Variants in ACVR1B observed in about 807,000 individuals in gnomAD.
The protein encoded by ACVR1B is activin receptor type-1B.
In ACVR1B, 15 loss-of-function variants were observed where a neutral mutation model predicts 55.6. The ratio of observed to expected loss-of-function variants is 0.27; its 90% CI spans 0.18 to 0.42. The LOEUF is 0.42. Ranked by LOEUF, ACVR1B falls within the 10% of genes least tolerant of loss-of-function variation. The pLI, the probability that ACVR1B is intolerant of heterozygous loss-of-function variation, is 1.00. For missense variants in ACVR1B, 359 were observed against 670.1 expected (o/e 0.54, Z 5.13); for synonymous variants, 247 against 254.6 (o/e 0.97, Z 0.28).
At chr12:51,992,980 TTTAC>T (rs1942222995) in intron 8 of ACVR1B, among the ~76,000 whole-genome samples, 1 of 152,190 alleles carries the variant, frequency 6.6e-6, no homozygotes, top group South Asian at 2.1e-4. Flanking sequence ...TGCATTTCCT[TTTAC>T]TTATTTTTTT....
chr12:51,975,278 G>C lies in ACVR1B; in HGVS notation c.105G>C (p.Ala35=), dbSNP rs56091863. The change falls in exon 2 of 9, where the codon GCG becomes GCC. Residue 35 remains alanine (A), a synonymous_variant. Coordinates refer to ENST00000257963, the MANE Select transcript of ACVR1B (RefSeq NM_004302.5). ...AATTTCCTGCAGCTCTGCTGTGTGC[G>C]TGCACCAGCTGCCTCCAGGCCAACT... The part of the protein sequence containing the change: ...GPRGVQALLC[A]CTSCLQANYT... The C allele has an allele frequency of 3.1e-6, 5 of 1,612,650 alleles. No homozygotes were observed. The South Asian group carries it at 5.5e-5, about 18-fold the overall frequency.
At chr12:51,964,449 C>A (rs1003019787) in intron 1 of ACVR1B, among the ~76,000 whole-genome samples, 16 of 152,284 alleles carry the variant, frequency 1.1e-4, no homozygotes, top group Admixed American at 8.5e-4. Flanking sequence ...CCCTTTGATA[C>A]ACAAAGGTTT....
chr12:51,952,315 C>T (rs890070946), intron 1 of ACVR1B, among the ~76,000 whole-genome samples: 1 of 152,156 alleles, frequency 6.6e-6, no homozygotes, highest in Non-Finnish European at 1.5e-5. Context: ...TGTTGAGAGT[C>T]CGCGCACCTC....
chr12:51,979,520 G>A (rs1384323995), intron 3 of ACVR1B, among the ~76,000 whole-genome samples: 1 of 151,370 alleles, frequency 6.6e-6, no homozygotes, highest in African/African-American at 2.4e-5. Flanking sequence ...TTTAAGAGAG[G>A]CGAGAGGGCA....
At chr12:51,966,028 A>G (rs950851433) in intron 1 of ACVR1B, among the ~76,000 whole-genome samples, 2 of 152,106 alleles carry the variant, frequency 1.3e-5, no homozygotes, top group African/African-American at 4.8e-5. Context: ...GAATACCTAC[A>G]CAGGACCTGG....
chr12:51,991,844 A>C lies in ACVR1B; in HGVS notation c.1262-19A>C. 1 of 1,610,856 alleles carries C rather than the reference A, an allele frequency of 6.2e-7. No homozygotes were observed. Among genetic ancestry groups the C allele is most frequent in the African/African-American group, 1.3e-5 (1 of 74,912 alleles). The stretch of plus-strand genomic sequence containing the variant: ...TTCCTGCTGTTGATAACTCAGGTAG[A>C]TACTTTCTTTTCTCCCAGGAGTCCA... On this transcript the variant is annotated intron_variant, in intron 7 of 8. Transcript: ENST00000257963.
intron 1 of ACVR1B, among the ~76,000 whole-genome samples, chr12:51,953,749 T>C (rs1304759649): frequency 6.6e-6 from 1 of 152,184 alleles, no homozygotes; most frequent in Non-Finnish European, 1.5e-5. Context: ...GTAGTGTTTG[T>C]GGGGTTTTTC....
At chr12:51,969,985 G>A (rs1164731764) in intron 1 of ACVR1B, among the ~76,000 whole-genome samples, 1 of 152,172 alleles carries the variant, frequency 6.6e-6, no homozygotes, top group African/African-American at 2.4e-5. Flanking sequence ...ATGAAGTAAG[G>A]AATTCATGGT....
chr12:51,957,216 G>A (rs1286214926), intron 1 of ACVR1B, among the ~76,000 whole-genome samples: 2 of 152,034 alleles, frequency 1.3e-5, no homozygotes, highest in Admixed American at 1.3e-4. Flanking sequence ...GGGAGGCCGA[G>A]GCAGGTGGAT....
chr12:51,984,015 A>T lies in ACVR1B; in HGVS notation c.828A>T (p.Thr276=). The change falls in exon 5 of 9, where the codon ACA becomes ACT. Residue 276 remains threonine (T), a synonymous_variant. Transcript: ENST00000257963. ...TCTCTGCAGATAATGGCACCTGGAC[A>T]CAGCTGTGGCTTGTTTCTGACTATC... ...AADNKDNGTW[T]QLWLVSDYHE... 1 of 1,614,218 alleles carries T rather than the reference A, an allele frequency of 6.2e-7. No homozygotes were observed. Among genetic ancestry groups the T allele is most frequent in the Non-Finnish European group, 8.5e-7 (1 of 1,180,036 alleles).
chr12:51,981,789 C>T (rs770067322), intron 4 of ACVR1B, among the ~76,000 whole-genome samples: 20 of 151,050 alleles, frequency 1.3e-4, no homozygotes, highest in Non-Finnish European at 1.9e-4. Flanking sequence ...CTGGAGGTTG[C>T]AGTGAGCTGA....
At chr12:51,959,963 A>G (rs986435250) in intron 1 of ACVR1B, 6 of 148,450 alleles carry the variant, frequency 4.0e-5, no homozygotes, top group Admixed American at 2.7e-4. Context: ...ACATCCTTGT[A>G]TATTGCTTTG....
chr12:51,991,246 G>A (rs1443102514), intron 7 of ACVR1B, among the ~76,000 whole-genome samples: 2 of 152,140 alleles, frequency 1.3e-5, no homozygotes, highest in South Asian at 2.1e-4. Flanking sequence ...TTCCATTGAA[G>A]TTATTTGTCT....
chr12:51,958,490 A>G (rs1383269260), intron 1 of ACVR1B, among the ~76,000 whole-genome samples: 2 of 152,128 alleles, frequency 1.3e-5, no homozygotes, highest in Non-Finnish European at 2.9e-5. Context: ...TGAAAATAAA[A>G]AATTAGCCGG....
At chr12:51,987,235 C>T (rs759567724) in intron 7 of ACVR1B, 99 of 644,396 alleles carry the variant, frequency 1.5e-4, no homozygotes, top group East Asian at 5.7e-4. Context: ...GGGAGTGCCC[C>T]GGTGCGCATA....
rs1028001406 is a variant in ACVR1B at position 51,995,266 on chromosome 12, T to C, written c.*1156T>C. The C allele has an allele frequency of 5.1e-4, 8 of 15,672 alleles. No homozygotes were observed. Among genetic ancestry groups the C allele is most frequent in the African/African-American group, 2.1e-3 (8 of 3,738 alleles). The allele number at this position is 15,672 out of a possible 1,614,324, so 1.0% of individuals were successfully genotyped here. A position where few individuals can be genotyped will look rare whatever the true frequency, so the allele number is the denominator to read the frequency against. ...TGTATATTTTTGGTGGTGGTGGGTTTGGGGTGGGGAAGGGAAGGGCGGGCA... is the reference window on the plus strand; with the variant it reads ...TGTATATTTTTGGTGGTGGTGGGTTCGGGGTGGGGAAGGGAAGGGCGGGCA... On this transcript the variant is annotated 3_prime_UTR_variant, in exon 9 of 9. Coordinates refer to ENST00000257963, the MANE Select transcript of ACVR1B (RefSeq NM_004302.5).
chr12:51,958,853 C>G (rs1303971892), intron 1 of ACVR1B, among the ~76,000 whole-genome samples: 1 of 152,204 alleles, frequency 6.6e-6, no homozygotes, highest in Non-Finnish European at 1.5e-5. Context: ...TGGTTCCTAA[C>G]AGGCCGTGGA....
Position 51,986,818 on chromosome 12 carries a change from A to G in ACVR1B, c.1137A>G (p.Arg379=), listed in dbSNP as rs202028681. The G allele has an allele frequency of 6.2e-7, 1 of 1,607,754 alleles. No individual in the cohort carries two copies. Among genetic ancestry groups the G allele is most frequent in the Non-Finnish European group, 8.5e-7 (1 of 1,175,970 alleles). The change falls in exon 7 of 9, where the codon CGA becomes CGG. Residue 379 remains arginine, a splice_region_variant and synonymous_variant. Transcript: ENST00000257963. The stretch of plus-strand genomic sequence containing the variant: ...GACCATGTTTGTTTTGCTATTGCAG[A>G]TACATGGCCCCTGAAGTACTTGATG... ...IAPNQRVGTK[R]YMAPEVLDET... is the part of the protein sequence containing the mutation.
At chr12:51,956,197 T>C (rs914265317) in intron 1 of ACVR1B, among the ~76,000 whole-genome samples, 1 of 152,226 alleles carries the variant, frequency 6.6e-6, no homozygotes, top group African/African-American at 2.4e-5. Context: ...TCTGGGCTTT[T>C]TGGTTTTCTT....
Sources: gnomAD v4.1 joint callset for allele counts (sites outside exome capture counted in the v4.1 genomes callset) on GRCh38, gnomAD v4.1.1 for gene constraint, MANE v1.5 for transcripts, NCBI Gene and HGNC (gene_info 2026-07-23, HGNC 2026-07-21) for gene names.